The following AIRE variants were observed in gnomAD, a reference collection of about 807,000 sequenced individuals.
The protein encoded by AIRE is autoimmune polyendocrinopathy candidiasis ectodermal dystrophy protein.
A neutral mutation model predicts 62.1 loss-of-function variants in AIRE; 52 were observed. The observed-to-expected ratio is 0.84, with a 90% CI of 0.67 to 1.06. The LOEUF is 1.06. Ranked by LOEUF, AIRE falls within the 50% of genes least tolerant of loss-of-function variation. The probability of loss-of-function intolerance (pLI) is 0.00; values close to 1 mark genes in which losing one functional copy is unlikely to be tolerated. For missense variants in AIRE, 774 were observed against 755.8 expected, an observed-to-expected ratio of 1.02 and a Z score of -0.28; for synonymous variants, 342 against 321.6, an observed-to-expected ratio of 1.06 and a Z score of -0.68.
chr21:44,289,884 C>T (rs55861465), intron 6 of AIRE, 82 bp downstream of exon 6: 1 of 1,606,892 alleles, frequency 6.2e-7, no homozygotes, highest in Non-Finnish European at 8.5e-7. Context: ...GGGAGTGGCT[C>T]TGCTGGGGGC....
intron 7 of AIRE, chr21:44,290,802 G>C: frequency 6.6e-7 from 1 of 1,525,980 alleles, no homozygotes; most frequent in Non-Finnish European, 8.9e-7. Flanking sequence ...TGTGAGGAAG[G>C]GTTCATGTGG....
intron 8 of AIRE, among the ~76,000 whole-genome samples, chr21:44,291,456 G>A (rs540594107): frequency 6.6e-6 from 1 of 152,254 alleles, no homozygotes; most frequent in Non-Finnish European, 1.5e-5. Context: ...GCAGAACAGA[G>A]GCCCAGGGCG....
Position 44,297,369 on chromosome 21 carries a change from G to A in AIRE, c.1567-287G>A, listed in dbSNP as rs2040621480. 6.6e-6 allele frequency among the ~76,000 whole-genome samples: 1 copy of A among 151,152 alleles called. No homozygotes were observed. The highest frequency in any genetic ancestry group is 1.5e-5 in the Non-Finnish European group (1 of 67,902). On this transcript the variant is annotated intron_variant, in intron 13 of 13. Transcript: ENST00000291582. The surrounding 1 kb of genome is among the most constrained non-coding windows in gnomAD (Gnocchi z 4.8). ...AACTGCCATGAACTGCCATGGGGAT[G>A]TGCCCTGGGCTTATAGGATGTGGTG...
intron 13 of AIRE, 96 bp downstream of exon 13, chr21:44,296,541 C>A (rs2040610214): frequency 5.0e-6 from 6 of 1,207,166 alleles, no homozygotes; most frequent in Admixed American, 3.4e-5. Context: ...ACTGCCGGCC[C>A]CCACTGCTCT....
intron 10 of AIRE, among the ~76,000 whole-genome samples, chr21:44,293,394 C>CA (rs1387945297): frequency 1.3e-5 from 2 of 152,054 alleles, no homozygotes; most frequent in Admixed American, 1.3e-4. Flanking sequence ...CTGCTCCCCC[C>CA]ACAAGGCAGG....
In AIRE at chr21:44,287,223, C is replaced by A. The variant is rs1467447006; in HGVS notation, c.463+90C>A. On this transcript the variant is annotated intron_variant, in intron 3 of 13. Transcript: ENST00000291582. The surrounding 1 kb of genome is among the most constrained non-coding windows in gnomAD (Gnocchi z 4.3). The stretch of plus-strand genomic sequence containing the variant: ...CGCCCCCTCCCCACCCGGGCTCCCA[C>A]CCACTGGGTGTGGGGCCAGCCTGCC... 5 of 1,515,966 alleles carry A rather than the reference C, an allele frequency of 3.3e-6. No individual in the cohort carries two copies. The highest frequency in any genetic ancestry group is 4.5e-6 in the Non-Finnish European group (5 of 1,112,388). 93.9% of individuals were successfully genotyped at this position (1,515,966 alleles called of 1,614,324 possible).
chr21:44,286,286 C>T lies in AIRE; in HGVS notation c.132+148C>T, dbSNP rs561898981. The T allele has an allele frequency of 1.1e-4, 108 of 989,538 alleles. 1 individual carries two copies. In the African/African-American group the frequency reaches 1.6e-3, roughly 15 times the overall value. The allele number at this position is 989,538 out of a possible 1,614,324, so 61.3% of individuals were successfully genotyped here. Reference sequence around the variant, plus strand: ...CTCCCCACAAGGAGCCAGGGGCGTCCCTGATGACAAGTTAGAAGTTGGTCC... The same window carrying T: ...CTCCCCACAAGGAGCCAGGGGCGTCTCTGATGACAAGTTAGAAGTTGGTCC... On this transcript the variant is annotated intron_variant, in intron 1 of 13. Coordinates refer to ENST00000291582, the MANE Select transcript of AIRE (RefSeq NM_000383.4). This position sits in a 1 kb window ranked among gnomAD's most constrained non-coding sequence, Gnocchi z 6.0.
chr21:44,295,582 C>T (rs565068419), intron 12 of AIRE, among the ~76,000 whole-genome samples: 1 of 152,340 alleles, frequency 6.6e-6, no homozygotes, highest in Admixed American at 6.5e-5. Flanking sequence ...TCGTCATTAA[C>T]CTCCTGGGTT....
rs1199259529 is a variant in AIRE, at chr21:44,285,976, C to T, written c.-31C>T. The T allele has an allele frequency of 2.0e-6, 3 of 1,520,808 alleles. No individual in the cohort carries two copies. Among genetic ancestry groups the T allele is most frequent in the Admixed American group, 2.0e-5 (1 of 50,262 alleles). 94.2% of individuals were successfully genotyped at this position (1,520,808 alleles called of 1,614,324 possible). On this transcript the variant is annotated 5_prime_UTR_variant, in exon 1 of 14. Coordinates refer to ENST00000291582, the MANE Select transcript of AIRE (RefSeq NM_000383.4). ...CCAGTGTCCCGGGACCCACCGCGTCCGCCCCAGCCCCGGGTCCCCGCGCCC... is the reference window on the plus strand; with the variant it reads ...CCAGTGTCCCGGGACCCACCGCGTCTGCCCCAGCCCCGGGTCCCCGCGCCC...
chr21:44,291,064 A>G, intron 7 of AIRE, 31 bp from the exon 8 acceptor site: 10 of 1,613,404 alleles, frequency 6.2e-6, no homozygotes, highest in Non-Finnish European at 8.5e-6. Flanking sequence ...ACCCCAGCCC[A>G]GTCTGCATGG....
In AIRE at chr21:44,296,456, C is replaced by A. The variant is rs200735043; in HGVS notation, c.1566+11C>A. Reference sequence around the variant, plus strand: ...TCCCTTCTGAGCGAGGTAACGCCTCCCCTGGCCTCCTGGTGCTCCTCCACT... The same window carrying A: ...TCCCTTCTGAGCGAGGTAACGCCTCACCTGGCCTCCTGGTGCTCCTCCACT... On this transcript the variant is annotated intron_variant, in intron 13 of 13. Transcript: ENST00000291582. The A allele has an allele frequency of 5.6e-5, 91 of 1,610,866 alleles. No homozygotes were observed. The highest frequency in any genetic ancestry group is 7.6e-5 in the Non-Finnish European group (89 of 1,178,340).
chr21:44,286,340 C>G lies in AIRE; in HGVS notation c.132+202C>G, dbSNP rs576672065. On this transcript the variant is annotated intron_variant, in intron 1 of 13. Transcript: ENST00000291582. This position sits in a 1 kb window ranked among gnomAD's most constrained non-coding sequence, Gnocchi z 6.0. ...TCCCCCAGCCGTCCCCACACCTCAC[C>G]CCCAAGCCAAGGGAATGGCCTCCAG... Among the ~76,000 whole-genome samples the G allele has an allele frequency of 3.3e-5, 5 of 151,998 alleles. No homozygotes were observed. Among genetic ancestry groups the G allele is most frequent in the Non-Finnish European group, 5.9e-5 (4 of 67,972 alleles).
At chr21:44,291,761 A>G (rs910854008) in intron 8 of AIRE, among the ~76,000 whole-genome samples, 1 of 151,994 alleles carries the variant, frequency 6.6e-6, no homozygotes, top group Non-Finnish European at 1.5e-5. Flanking sequence ...TGTGGGAGGA[A>G]GAGCTCTGGG....
chr21:44,297,308 AC>A lies in AIRE; in HGVS notation c.1567-341del, dbSNP rs988110303. Among the ~76,000 whole-genome samples the A allele has an allele frequency of 7.2e-5, 7 of 97,646 alleles. No individual in the cohort carries two copies. Among genetic ancestry groups the A allele is most frequent in the African/African-American group, 2.0e-4 (5 of 24,588 alleles). The allele number at this position is 97,646 out of a possible 152,430, so 64.1% of individuals were successfully genotyped here. ...TGAGCAGAATAAGTAGCTGGCCCCG[AC>A]CCCCCCACCCTGAAGGAGCCACCCG... On this transcript the variant is annotated intron_variant, in intron 13 of 13. Coordinates refer to ENST00000291582, the MANE Select transcript of AIRE (RefSeq NM_000383.4). This position sits in a 1 kb window ranked among gnomAD's most constrained non-coding sequence, Gnocchi z 4.8.
In AIRE at chr21:44,298,488, T is replaced by C. The variant is rs1481920894; in HGVS notation, c.*761T>C. The C allele has an allele frequency of 1.3e-5, 2 of 153,554 alleles. No individual in the cohort carries two copies. Among genetic ancestry groups the C allele is most frequent in the African/African-American group, 4.8e-5 (2 of 41,470 alleles). The allele number at this position is 153,554 out of a possible 1,614,324, so 9.5% of individuals were successfully genotyped here. ...TGCTTCCTTTTTTAAGGCTGAGTAA[T>C]ATTCCAGCACATGGATGGACTGCAT... On this transcript the variant is annotated 3_prime_UTR_variant, in exon 14 of 14. Transcript: ENST00000291582.
rs1331185385 is a variant in AIRE at position 44,285,981 on chromosome 21, CA to C, written c.-25del. 3.9e-6 allele frequency: 6 copies of C among 1,524,108 alleles called. No homozygotes were observed. Among genetic ancestry groups the C allele is most frequent in the Non-Finnish European group, 1.8e-6 (2 of 1,140,816 alleles). 94.4% of individuals were successfully genotyped at this position (1,524,108 alleles called of 1,614,324 possible). ...GTCCCGGGACCCACCGCGTCCGCCC[CA>C]GCCCCGGGTCCCCGCGCCCACCCCA... On this transcript the variant is annotated 5_prime_UTR_variant, in exon 1 of 14. Coordinates refer to ENST00000291582, the MANE Select transcript of AIRE (RefSeq NM_000383.4).
rs1247547679 is a variant in AIRE, at chr21:44,286,912, T to C, written c.308-66T>C. On this transcript the variant is annotated intron_variant, in intron 2 of 13. Coordinates refer to ENST00000291582, the MANE Select transcript of AIRE (RefSeq NM_000383.4). The surrounding 1 kb of genome is among the most constrained non-coding windows in gnomAD (Gnocchi z 6.0). Reference sequence around the variant, plus strand: ...CCTGTCTGGCCAAGGTGTCCAGTTCTGGGGCCCACCCTACCCCTGGAGAAA... The same window carrying C: ...CCTGTCTGGCCAAGGTGTCCAGTTCCGGGGCCCACCCTACCCCTGGAGAAA... 6.2e-7 allele frequency: 1 copy of C among 1,609,124 alleles called. No individual in the cohort carries two copies. Among genetic ancestry groups the C allele is most frequent in the Non-Finnish European group, 8.5e-7 (1 of 1,177,184 alleles).
At chr21:44,296,542 CCACTGCTCT>C (rs1055735354) in intron 13 of AIRE, 97 bp downstream of exon 13, 7 of 1,203,132 alleles carry the variant, frequency 5.8e-6, no homozygotes, top group Non-Finnish European at 8.6e-6. Flanking sequence ...CTGCCGGCCC[CCACTGCTCT>C]TGAGCCGTGG....
intron 12 of AIRE, among the ~76,000 whole-genome samples, chr21:44,295,012 C>T (rs1021510384): frequency 6.6e-6 from 1 of 152,202 alleles, no homozygotes; most frequent in Non-Finnish European, 1.5e-5. Flanking sequence ...ACCTGGGTGG[C>T]GCGGAGACCC....
Sources: gnomAD v4.1 joint callset for allele counts (sites outside exome capture counted in the v4.1 genomes callset) on GRCh38, gnomAD v4.1.1 for gene constraint, Gnocchi (gnomAD v3.1) non-coding constraint, MANE v1.5 for transcripts, NCBI Gene and HGNC (gene_info 2026-07-23, HGNC 2026-07-21) for gene names.